ALPK2: variants seen among roughly 807,000 people sequenced by gnomAD.
The protein encoded by ALPK2 is alpha kinase 2.
A neutral mutation model predicts 163.1 loss-of-function variants in ALPK2; 127 were observed. The observed-to-expected ratio is 0.78, with a 90% CI of 0.67 to 0.90. The LOEUF (loss-of-function observed/expected upper bound fraction) is 0.90. Among genes scored for constraint, ALPK2 ranks in the 40% least tolerant of loss-of-function variants. ALPK2 has a pLI of 0.00. For missense variants in ALPK2, 2,360 were observed against 2,589.6 expected (o/e 0.91, Z 1.92); for synonymous variants, 953 against 959.1 (o/e 0.99, Z 0.12).
chr18:58,572,534 A>C (rs2051891052), intron 4 of ALPK2, among the ~76,000 whole-genome samples: 1 of 152,188 alleles, frequency 6.6e-6, no homozygotes, highest in Admixed American at 6.6e-5. Flanking sequence ...GTGGAATACT[A>C]CTCAGCAATA....
At chr18:58,619,683 A>G (rs28716114) in intron 1 of ALPK2, among the ~76,000 whole-genome samples, 3,408 of 152,328 alleles carry the variant, frequency 0.022, 130 homozygotes, top group African/African-American at 0.077. Context: ...GAGTGTGTTT[A>G]TGTAAAATTG....
At chr18:58,615,298 A>G (rs1163958135) in intron 1 of ALPK2, among the ~76,000 whole-genome samples, 1 of 152,022 alleles carries the variant, frequency 6.6e-6, no homozygotes, top group African/African-American at 2.4e-5. Context: ...AAGTTACTCA[A>G]ATGGAGGGGG....
At chr18:58,521,654 A>G (rs1302716953) in intron 8 of ALPK2, among the ~76,000 whole-genome samples, 1 of 26,434 alleles carries the variant, frequency 3.8e-5, no homozygotes, top group Non-Finnish European at 9.5e-5. Flanking sequence ...TTTGAGATGG[A>G]GTCTTGCTGT....
chr18:58,579,596 T>C lies in ALPK2; in HGVS notation c.1180A>G (p.Met394Val), dbSNP rs934586383. The change falls in exon 4 of 13, where the codon ATG becomes GTG. Residue 394 changes from methionine to valine, a missense_variant. By Grantham distance (21) the Met-to-Val change is conservative (BLOSUM62 1). Transcript: ENST00000361673. ...CCACAGAAGCCAGCAGTGGCAACCA[T>C]AGGCCCAGCGTCACCCGACACCCGA... ...GSRVSGDAGPMVATAGFCGHH... is the reference protein window; with the variant it reads ...GSRVSGDAGPVVATAGFCGHH... 1 of 1,613,630 alleles carries C rather than the reference T, an allele frequency of 6.2e-7. No individual in the cohort carries two copies. Among genetic ancestry groups the C allele is most frequent in the East Asian group, 2.2e-5 (1 of 44,864 alleles).
At position 58,579,205 on chromosome 18, in the gene ALPK2, T is replaced by C. The variant is rs148879560; in HGVS notation, c.1571A>G (p.Asp524Gly). 3,153 of 1,614,058 alleles carry C rather than the reference T, an allele frequency of 2.0e-3. 66 individuals carry two copies. In the African/African-American group the frequency reaches 0.037, roughly 19 times the overall value. ...CCTTGAACCCCTCTTGCTCCATAAG[T>C]CCTTTCCCCCCACTCTCTTGTCAGC... ...TAADKRVGGKDLWSKRGSRKS... is the reference protein window; with the variant it reads ...TAADKRVGGKGLWSKRGSRKS... Residue 524 changes from aspartate (D) to glycine (G), a missense_variant, in exon 4 of 13, where the codon GAC becomes GGC. Transcript: ENST00000361673.
intron 4 of ALPK2, among the ~76,000 whole-genome samples, chr18:58,546,729 G>A (rs896337702): frequency 1.3e-5 from 2 of 152,140 alleles, no homozygotes; most frequent in East Asian, 1.9e-4. Context: ...TCACAAAAAC[G>A]GCTGTCTTCT....
chr18:58,519,685 G>T (rs2051539617), intron 8 of ALPK2, among the ~76,000 whole-genome samples: 1 of 152,114 alleles, frequency 6.6e-6, no homozygotes, highest in African/African-American at 2.4e-5. Context: ...CGTATTCTTT[G>T]TCTCTTGAAA....
chr18:58,594,421 A>G (rs1279799624), intron 3 of ALPK2, among the ~76,000 whole-genome samples: 1 of 152,196 alleles, frequency 6.6e-6, no homozygotes, highest in Admixed American at 6.5e-5. Flanking sequence ...AAGCGAGCAT[A>G]ATGTCCCAGA....
chr18:58,529,143 A>T lies in ALPK2; in HGVS notation c.5449T>A (p.Ser1817Thr). 3.7e-6 allele frequency: 6 copies of T among 1,614,136 alleles called. No homozygotes were observed. Among genetic ancestry groups the T allele is most frequent in the Non-Finnish European group, 5.1e-6 (6 of 1,179,982 alleles). The change falls in exon 6 of 13, where the codon TCT (serine) becomes ACT (threonine). Residue 1817 changes from serine (S) to threonine (T), a missense_variant. Coordinates refer to ENST00000361673, the MANE Select transcript of ALPK2 (RefSeq NM_052947.4). ...GAATCTTTTGTCCAGCAGATAGTAG[A>T]ATCTTCATGAATTTCTGCAAATTGG... ...SCQFAEIHED[S>T]TICWTKDSKS...
At chr18:58,533,219 A>G (rs945262419) in intron 5 of ALPK2, among the ~76,000 whole-genome samples, 2 of 152,140 alleles carry the variant, frequency 1.3e-5, no homozygotes, top group Non-Finnish European at 2.9e-5. Context: ...AAAGTCTTTG[A>G]CGGCGATTGA....
chr18:58,535,910 G>A lies in ALPK2; in HGVS notation c.4277C>T (p.Thr1426Ile). Residue 1426 changes from threonine (T) to isoleucine (I), a missense_variant, in exon 5 of 13, where the codon ACA (threonine) becomes ATA (isoleucine). Thr to Ile is a moderately conservative substitution (Grantham distance 89, BLOSUM62 -1). Coordinates refer to ENST00000361673, the MANE Select transcript of ALPK2 (RefSeq NM_052947.4). ...ACCCCCTTCTCTGGCGCCCTGTGGT[G>A]TGGTTTCAGAGGGCTCTGGTTTTCC... The part of the protein sequence containing the change: ...RAGKPEPSET[T>I]PQGAREGGQS... 2 of 1,614,160 alleles carry A rather than the reference G, an allele frequency of 1.2e-6. No individual in the cohort carries two copies. The highest frequency in any genetic ancestry group is 2.2e-5 in the South Asian group (2 of 91,086).
chr18:58,616,644 G>A lies in ALPK2; in HGVS notation c.-20-4827C>T, dbSNP rs187940977. 2.0e-3 allele frequency among the ~76,000 whole-genome samples: 309 copies of A among 152,250 alleles called. 2 individuals carry two copies. Among genetic ancestry groups the A allele is most frequent in the Non-Finnish European group, 5.4e-4 (37 of 68,022 alleles). ...GAAGAACTCATCCACACACTGGGAGGGTGGCACATCCCAACTCCATGGGGA... is the reference window on the plus strand; with the variant it reads ...GAAGAACTCATCCACACACTGGGAGAGTGGCACATCCCAACTCCATGGGGA... On this transcript the variant is annotated intron_variant, in intron 1 of 12. Transcript: ENST00000361673.
intron 4 of ALPK2, among the ~76,000 whole-genome samples, chr18:58,555,910 C>T (rs1007299537): frequency 1.3e-5 from 2 of 152,194 alleles, no homozygotes; most frequent in African/African-American, 4.8e-5. Flanking sequence ...CAACCTCTGC[C>T]TCCCCGGTTC....
Position 58,529,075 on chromosome 18 carries a change from G to T in ALPK2, c.5501+16C>A, listed in dbSNP as rs1269482985. On this transcript the variant is annotated intron_variant, in intron 6 of 12. Coordinates refer to ENST00000361673, the MANE Select transcript of ALPK2 (RefSeq NM_052947.4). ...AAGCAACAACTGTGAAAAGTAACCA[G>T]GGAAAAACATCGCACCTTCTCTGCA... is the stretch of plus-strand genomic sequence containing the variant. 3 of 1,613,882 alleles carry T rather than the reference G, an allele frequency of 1.9e-6. No homozygotes were observed. The highest frequency in any genetic ancestry group is 2.2e-5 in the East Asian group (1 of 44,874).
chr18:58,584,568 T>G (rs2051976205), intron 3 of ALPK2, among the ~76,000 whole-genome samples: 1 of 151,798 alleles, frequency 6.6e-6, no homozygotes, highest in Non-Finnish European at 1.5e-5. Flanking sequence ...AATAAAGTGT[T>G]TCTGTCCTAA....
chr18:58,484,616 C>T (rs1368582441), intron 12 of ALPK2, among the ~76,000 whole-genome samples: 6 of 152,244 alleles, frequency 3.9e-5, no homozygotes, highest in South Asian at 4.1e-4. Context: ...TGGTGGCATG[C>T]GCCTGTAGTC....
intron 4 of ALPK2, among the ~76,000 whole-genome samples, chr18:58,570,964 G>A (rs1195555125): frequency 6.6e-6 from 1 of 152,184 alleles, no homozygotes; most frequent in Admixed American, 6.5e-5. Context: ...TAAAATCCCT[G>A]GCAAGAAAGT....
chr18:58,599,855 A>C (rs532803124), intron 3 of ALPK2, among the ~76,000 whole-genome samples: 2 of 152,182 alleles, frequency 1.3e-5, no homozygotes, highest in East Asian at 3.9e-4. Flanking sequence ...AGAAAAGTTA[A>C]ATAATTTGCC....
chr18:58,518,430 A>G (rs998145122), intron 8 of ALPK2, among the ~76,000 whole-genome samples: 2 of 152,154 alleles, frequency 1.3e-5, no homozygotes, highest in Non-Finnish European at 2.9e-5. Context: ...AAGAAAGAGG[A>G]TATTCCTAAA....
Sources: allele counts gnomAD v4.1 joint callset (sites outside exome capture counted in the v4.1 genomes callset), GRCh38; gene constraint gnomAD v4.1.1; transcripts MANE v1.5; gene names NCBI Gene and HGNC (gene_info 2026-07-23, HGNC 2026-07-21).